KCNH7: variants seen among roughly 807,000 people sequenced by gnomAD.
KCNH7 encodes voltage-gated inwardly rectifying potassium channel KCNH7.
Under a neutral mutation model 120.8 loss-of-function variants are expected in KCNH7, and 49 were observed. The ratio of observed to expected loss-of-function variants is 0.41; its 90% CI spans 0.32 to 0.51. KCNH7 has a LOEUF of 0.51. Among genes scored for constraint, KCNH7 ranks in the 20% least tolerant of loss-of-function variants. The pLI is 0.38. For synonymous variants in KCNH7, 547 were observed against 516.1 expected, an observed-to-expected ratio of 1.06 and a Z score of -0.81; for missense variants, 1,097 against 1,446.6, an observed-to-expected ratio of 0.76 and a Z score of 3.92.
At chr2:162,778,796 C>G (rs1172169631) in intron 2 of KCNH7, among the ~76,000 whole-genome samples, 1 of 152,152 alleles carries the variant, frequency 6.6e-6, no homozygotes, top group Non-Finnish European at 1.5e-5. Context: ...AATGTACATA[C>G]TATCAGACAT....
intron 2 of KCNH7, among the ~76,000 whole-genome samples, chr2:162,675,289 A>G (rs983796132): frequency 6.6e-6 from 1 of 151,542 alleles, no homozygotes; most frequent in African/African-American, 2.4e-5. Context: ...ATATTCATTA[A>G]GTAGATCCAA....
intron 2 of KCNH7, among the ~76,000 whole-genome samples, chr2:162,663,288 A>G (rs1176817432): frequency 2.0e-5 from 3 of 152,184 alleles, no homozygotes; most frequent in Non-Finnish European, 4.4e-5. Context: ...TTCAATACTC[A>G]CATTTTACCT....
intron 9 of KCNH7, 33 bp downstream of exon 9, chr2:162,423,303 G>T: frequency 1.2e-6 from 2 of 1,613,896 alleles, no homozygotes; most frequent in Non-Finnish European, 1.7e-6. Flanking sequence ...TAATGCCTGC[G>T]GCACTTTCAT....
intron 8 of KCNH7, among the ~76,000 whole-genome samples, chr2:162,431,054 T>C (rs1256384872): frequency 6.6e-6 from 1 of 152,052 alleles, no homozygotes; most frequent in East Asian, 1.9e-4. Context: ...CAGTCAGCAG[T>C]ACAAAAACTG....
At chr2:162,792,184 G>A (rs1320450844) in intron 2 of KCNH7, among the ~76,000 whole-genome samples, 2 of 152,028 alleles carry the variant, frequency 1.3e-5, no homozygotes, top group African/African-American at 2.4e-5. Flanking sequence ...GATTTGGTTT[G>A]CCAGTATTTT....
At chr2:162,483,795 C>A (rs1379179388) in intron 6 of KCNH7, among the ~76,000 whole-genome samples, 1 of 152,116 alleles carries the variant, frequency 6.6e-6, no homozygotes, top group Non-Finnish European at 1.5e-5. Flanking sequence ...TTGGTTTTAA[C>A]TAGTTATGAA....
intron 2 of KCNH7, among the ~76,000 whole-genome samples, chr2:162,798,646 T>C (rs910930657): frequency 1.3e-5 from 2 of 152,072 alleles, no homozygotes; most frequent in Admixed American, 6.6e-5. Flanking sequence ...TGTTTGATTC[T>C]GTCACCTTCT....
rs61062132 is a variant in KCNH7 at position 162,511,440 on chromosome 2, A to C, written c.913+1214T>G. Among the ~76,000 whole-genome samples, 51 of 147,828 alleles carry C rather than the reference A, an allele frequency of 3.4e-4. 2 individuals are homozygous for C. In the East Asian group the frequency reaches 9.9e-3, roughly 29 times the overall value. On this transcript the variant is annotated intron_variant, in intron 5 of 15. Transcript: ENST00000332142. ...CAATGCAAACCACCACACACAGTTG[A>C]CACTAATTTGCTCCCTTTTAGAAAT... is the stretch of plus-strand genomic sequence containing the variant.
chr2:162,752,955 A>G (rs548583007), intron 2 of KCNH7, among the ~76,000 whole-genome samples: 19 of 114,404 alleles, frequency 1.7e-4, no homozygotes, highest in African/African-American at 8.0e-4. Context: ...AAAGAAAAGA[A>G]AAGAAAAGAA....
chr2:162,830,757 C>A (rs1368715278), intron 2 of KCNH7, among the ~76,000 whole-genome samples: 1 of 152,138 alleles, frequency 6.6e-6, no homozygotes, highest in Non-Finnish European at 1.5e-5. Context: ...GAGCTGACTG[C>A]CCCTTTTAGC....
intron 8 of KCNH7, among the ~76,000 whole-genome samples, chr2:162,424,281 T>C (rs1687791669): frequency 6.6e-6 from 1 of 152,216 alleles, no homozygotes; most frequent in African/African-American, 2.4e-5. Context: ...CCTTGCAACA[T>C]AATCAGCATT....
rs143510994 is a variant in KCNH7 at position 162,454,928 on chromosome 2, T to C, written c.1129-8485A>G. ...TCTATTCCTATTTGAATACGCTTTA[T>C]TTCTTTCTCTTGCCTGATTGCCCTG... On this transcript the variant is annotated intron_variant, in intron 6 of 15. Transcript: ENST00000332142. Among the ~76,000 whole-genome samples, 211 of 152,266 alleles carry C rather than the reference T, an allele frequency of 1.4e-3. 1 individual carries two copies. In the Middle Eastern group the frequency reaches 0.017, roughly 12 times the overall value.
chr2:162,545,478 T>G (rs1391343066), intron 2 of KCNH7, among the ~76,000 whole-genome samples: 1 of 152,076 alleles, frequency 6.6e-6, no homozygotes, highest in Admixed American at 6.6e-5. Context: ...AGGGAGGAAC[T>G]GCAGGGAACA....
chr2:162,442,984 T>C (rs1019035086), intron 7 of KCNH7, among the ~76,000 whole-genome samples: 5 of 152,226 alleles, frequency 3.3e-5, no homozygotes, highest in African/African-American at 1.2e-4. Context: ...TATTCATCTA[T>C]GAACATATGA....
intron 6 of KCNH7, among the ~76,000 whole-genome samples, chr2:162,500,230 G>A (rs1690632575): frequency 6.8e-6 from 1 of 146,986 alleles, no homozygotes; most frequent in African/African-American, 2.5e-5. Context: ...TATATAATAT[G>A]TATGTTACAT....
At chr2:162,657,363 T>C (rs1301926389) in intron 2 of KCNH7, among the ~76,000 whole-genome samples, 1 of 152,196 alleles carries the variant, frequency 6.6e-6, no homozygotes, top group Non-Finnish European at 1.5e-5. Context: ...TTTGACTTTC[T>C]TCATGGTTTT....
intron 6 of KCNH7, among the ~76,000 whole-genome samples, chr2:162,502,803 T>G (rs977064509): frequency 6.6e-6 from 1 of 152,044 alleles, no homozygotes; most frequent in Admixed American, 6.6e-5. Flanking sequence ...GCACAGTGGA[T>G]CTGCTGAACA....
At chr2:162,461,038 T>C (rs1420758859) in intron 6 of KCNH7, among the ~76,000 whole-genome samples, 1 of 152,186 alleles carries the variant, frequency 6.6e-6, no homozygotes, top group East Asian at 1.9e-4. Context: ...TTGTGGCAAA[T>C]GGAGAATAGA....
chr2:162,479,149 A>G (rs79236405), intron 6 of KCNH7, among the ~76,000 whole-genome samples: 109 of 146,678 alleles, frequency 7.4e-4, no homozygotes, highest in Non-Finnish European at 9.5e-4. Context: ...ATGAGAATGG[A>G]AAAAAAAAAA....
Sources: gnomAD v4.1 joint callset for allele counts (sites outside exome capture counted in the v4.1 genomes callset) on GRCh38, gnomAD v4.1.1 for gene constraint, MANE v1.5 for transcripts, NCBI Gene and HGNC (gene_info 2026-07-23, HGNC 2026-07-21) for gene names.